TMEM181: variants seen among roughly 807,000 people sequenced by gnomAD.
TMEM181 encodes G protein-coupled receptor 178.
Under a neutral mutation model 71.9 loss-of-function variants are expected in TMEM181, and 39 were observed. The observed-to-expected ratio is 0.54, with a 90% CI of 0.42 to 0.71. TMEM181 has a LOEUF of 0.71. Among genes scored for constraint, TMEM181 ranks in the 30% least tolerant of loss-of-function variants. The probability of loss-of-function intolerance (pLI) is 0.00; values close to 1 mark genes in which losing one functional copy is unlikely to be tolerated. For synonymous variants in TMEM181, 245 were observed against 228.8 expected, an observed-to-expected ratio of 1.07 and a Z score of -0.64; for missense variants, 595 against 583.0, an observed-to-expected ratio of 1.02 and a Z score of -0.21.
At chr6:158,562,139 G>C (rs914532577) in intron 1 of TMEM181, among the ~76,000 whole-genome samples, 5 of 152,184 alleles carry the variant, frequency 3.3e-5, no homozygotes, top group African/African-American at 1.2e-4. Flanking sequence ...CTGGCCTTAT[G>C]ACCTCTGACT....
At chr6:158,610,941 T>G (rs1434471721) in intron 10 of TMEM181, 3 of 420,974 alleles carry the variant, frequency 7.1e-6, no homozygotes, top group South Asian at 2.1e-5. Context: ...GGGTTCCTCC[T>G]GAGAGAATCT....
At position 158,560,159 on chromosome 6, in the gene TMEM181, G is replaced by A; in HGVS notation, c.-66G>A. ...CTCCGGCTGCGGCTGCCGCTGCCGA[G>A]GCTGCTGCGCGGCGCCTGGCGGGCT... On this transcript the variant is annotated 5_prime_UTR_variant, in exon 1 of 17. Transcript: ENST00000684151. 2 of 983,264 alleles carry A rather than the reference G, an allele frequency of 2.0e-6. No individual in the cohort carries two copies. The highest frequency in any genetic ancestry group is 2.4e-6 in the Non-Finnish European group (2 of 828,200). 60.9% of individuals were successfully genotyped at this position (983,264 alleles called of 1,614,324 possible).
chr6:158,569,285 T>A lies in TMEM181; in HGVS notation c.9-4135T>A, dbSNP rs565142396. Among the ~76,000 whole-genome samples, 10 of 152,318 alleles carry A rather than the reference T, an allele frequency of 6.6e-5. No homozygotes were observed. The South Asian group carries it at 1.9e-3, about 28-fold the overall frequency. On this transcript the variant is annotated intron_variant, in intron 1 of 16. Coordinates refer to ENST00000684151, the MANE Select transcript of TMEM181 (RefSeq NM_001376852.1). ...CAGAGGGTCCCAGGACCCTAGGCCC[T>A]CCAGTGAGGATGCCTGCTTGTCAGG...
chr6:158,624,051 T>C (rs544581945), intron 11 of TMEM181, among the ~76,000 whole-genome samples: 1 of 152,208 alleles, frequency 6.6e-6, no homozygotes, highest in Admixed American at 6.5e-5. Flanking sequence ...CGTGAGCCAC[T>C]GTACCCGGCA....
intron 1 of TMEM181, among the ~76,000 whole-genome samples, chr6:158,569,414 G>C (rs1782682534): frequency 6.6e-6 from 1 of 152,218 alleles, no homozygotes; most frequent in African/African-American, 2.4e-5. Flanking sequence ...TAAGAAGACA[G>C]ATTATGTTGT....
In TMEM181 at chr6:158,585,393, C is replaced by T; in HGVS notation, c.349C>T (p.His117Tyr). The change falls in exon 5 of 17, where the codon CAC (histidine) becomes TAC (tyrosine). Residue 117 changes from histidine (H) to tyrosine (Y), a missense_variant. His to Tyr is a moderately conservative substitution (Grantham distance 83). Coordinates refer to ENST00000684151, the MANE Select transcript of TMEM181 (RefSeq NM_001376852.1). ...CACGATGTACATTCATAACAAAGTT[C>T]ACAACCGGACAAGGACCCTCACATG... Reference protein sequence around the residue: ...GTTMYIHNKVHNRTRTLTCAG... With the variant: ...GTTMYIHNKVYNRTRTLTCAG... The T allele has an allele frequency of 6.2e-7, 1 of 1,611,526 alleles. No individual in the cohort carries two copies. The highest frequency in any genetic ancestry group is 8.5e-7 in the Non-Finnish European group (1 of 1,179,416).
intron 1 of TMEM181, chr6:158,536,997 C>G (rs1781137724): frequency 6.5e-6 from 2 of 309,764 alleles, no homozygotes; most frequent in African/African-American, 2.3e-5. Flanking sequence ...GCGGAGCCTA[C>G]GGATGGGGAC....
At chr6:158,540,340 T>C (rs1052520736) in intron 1 of TMEM181, among the ~76,000 whole-genome samples, 3 of 152,216 alleles carry the variant, frequency 2.0e-5, no homozygotes, top group African/African-American at 7.2e-5. Context: ...CATACACATT[T>C]CCTCAGGCCC....
At chr6:158,545,401 C>T (rs1781494727) in intron 1 of TMEM181, among the ~76,000 whole-genome samples, 1 of 152,252 alleles carries the variant, frequency 6.6e-6, no homozygotes, top group African/African-American at 2.4e-5. Context: ...ACGGATCTCG[C>T]TGGAGCAGCG....
upstream of TMEM181, among the ~76,000 whole-genome samples, chr6:158,559,876 T>TA (rs1562619518): frequency 6.6e-6 from 1 of 152,100 alleles, no homozygotes; most frequent in Non-Finnish European, 1.5e-5. Flanking sequence ...GGACAAGAGG[T>TA]AAACTAAGTC....
At chr6:158,605,389 A>G in intron 7 of TMEM181, 42 bp downstream of exon 7, 1 of 1,580,264 alleles carries the variant, frequency 6.3e-7, no homozygotes. Context: ...GATCCCAGCC[A>G]GGAAGAAGCT....
chr6:158,603,656 C>T (rs1477971778), intron 6 of TMEM181, among the ~76,000 whole-genome samples: 1 of 146,642 alleles, frequency 6.8e-6, no homozygotes, highest in Non-Finnish European at 1.5e-5. Context: ...ATTTACCAAT[C>T]TCTGTCGTGT....
In TMEM181 at chr6:158,605,467, A is replaced by C. The variant is rs1032120875; in HGVS notation, c.573+120A>C. ...TGATCTGAACTCAGATGCTCCATCC[A>C]GTGGGCTGTGCTGATATTACAACTC... On this transcript the variant is annotated intron_variant, in intron 7 of 16. Transcript: ENST00000684151. 7.4e-5 allele frequency: 67 copies of C among 909,156 alleles called. No individual in the cohort carries two copies. The South Asian group carries it at 8.6e-4, about 12-fold the overall frequency. 56.3% of individuals were successfully genotyped at this position (909,156 alleles called of 1,614,324 possible). A position where few individuals can be genotyped will look rare whatever the true frequency, so the allele number is the denominator to read the frequency against.
At chr6:158,610,245 T>G (rs1307595115) in intron 10 of TMEM181, 1 of 258,818 alleles carries the variant, frequency 3.9e-6, no homozygotes, top group African/African-American at 2.3e-5. Context: ...TTAAGGCTTG[T>G]AAAAGATTTC....
chr6:158,550,341 G>A (rs983563932), intron 1 of TMEM181, among the ~76,000 whole-genome samples: 8 of 148,982 alleles, frequency 5.4e-5, no homozygotes, highest in Admixed American at 3.3e-4. Flanking sequence ...CACCACGCCC[G>A]GCCGAGACTT....
rs565848110 is a variant in TMEM181 at position 158,631,996 on chromosome 6, C to T, written c.*108C>T. 3.2e-5 allele frequency: 35 copies of T among 1,098,906 alleles called. No homozygotes were observed. In the African/African-American group the frequency reaches 4.4e-4, roughly 14 times the overall value. 68.1% of individuals were successfully genotyped at this position (1,098,906 alleles called of 1,614,324 possible). On this transcript the variant is annotated 3_prime_UTR_variant, in exon 17 of 17. Transcript: ENST00000684151. The stretch of plus-strand genomic sequence containing the variant: ...GATTTTTCTTACAAGCAGAGATTTC[C>T]TGTTCATTTGTTTACATATTTTTTT...
intron 10 of TMEM181, among the ~76,000 whole-genome samples, chr6:158,611,998 C>T (rs78043560): frequency 0.021 from 3,159 of 150,972 alleles, 145 homozygotes; most frequent in African/African-American, 0.074. Flanking sequence ...TCCTAGTCTG[C>T]TTTTAGCTTG....
In TMEM181 at chr6:158,622,683, G is replaced by A. The variant is rs375445980; in HGVS notation, c.897-867G>A. Among the ~76,000 whole-genome samples, 3 of 152,224 alleles carry A rather than the reference G, an allele frequency of 2.0e-5. No individual in the cohort carries two copies. In the South Asian group the frequency reaches 6.2e-4, roughly 31 times the overall value. ...CTGCAGAAAGTGAAACCATGGGTAA[G>A]TAGGGACAGCTGTATGACTTGAACT... On this transcript the variant is annotated intron_variant, in intron 10 of 16. Transcript: ENST00000684151.
At chr6:158,556,307 C>T (rs117428033), upstream of TMEM181, among the ~76,000 whole-genome samples, 214 of 152,316 alleles carry the variant, frequency 1.4e-3, 1 homozygote, top group Admixed American at 2.5e-3. Flanking sequence ...ACCACACACC[C>T]GTTCTAAGAA....
Sources: allele counts gnomAD v4.1 joint callset (sites outside exome capture counted in the v4.1 genomes callset), GRCh38; gene constraint gnomAD v4.1.1; transcripts MANE v1.5; gene names NCBI Gene and HGNC (gene_info 2026-07-23, HGNC 2026-07-21).